Variants in OTOGL observed in about 807,000 individuals in gnomAD.
OTOGL encodes otogelin like.
OTOGL carries 285 observed loss-of-function variants against 318.5 expected under a neutral mutation model. The ratio of observed to expected loss-of-function variants is 0.89; its 90% CI spans 0.81 to 0.99. The LOEUF is 0.99. Ranked by LOEUF, OTOGL falls within the 50% of genes least tolerant of loss-of-function variation. The pLI is 0.00. For synonymous variants in OTOGL, 987 were observed against 936.5 expected (o/e 1.05, Z -0.99); for missense variants, 2,899 against 2,845.6 (o/e 1.02, Z -0.43).
chr12:80,307,360 C>G (rs1320927524), intron 29 of OTOGL, among the ~76,000 whole-genome samples: 1 of 151,736 alleles, frequency 6.6e-6, no homozygotes, highest in Non-Finnish European at 1.5e-5. Context: ...GGCAGAGGGG[C>G]TCCTCACTTC....
intron 57 of OTOGL, 151 bp from the exon 58 acceptor site, chr12:80,376,972 A>T: frequency 2.0e-6 from 1 of 488,094 alleles, no homozygotes; most frequent in South Asian, 5.6e-5. Context: ...GCACATAAAA[A>T]TGTAAGAGAG....
chr12:80,200,784 G>A (rs1187406874), intron 1 of OTOGL, among the ~76,000 whole-genome samples: 4 of 152,182 alleles, frequency 2.6e-5, no homozygotes, highest in Non-Finnish European at 5.9e-5. Flanking sequence ...ATGAGGAAAA[G>A]AAGATATTAT....
chr12:80,203,376 T>G (rs74108559), intron 1 of OTOGL, among the ~76,000 whole-genome samples: 4 of 152,086 alleles, frequency 2.6e-5, no homozygotes, highest in Admixed American at 2.6e-4. Flanking sequence ...CCCACACTTA[T>G]AATCCAGGAT....
Position 80,222,170 on chromosome 12 carries a change from C to G in OTOGL, c.414C>G (p.Tyr138Ter). Residue 138 changes from tyrosine to a stop codon, truncating the protein, a stop_gained, in exon 7 of 59, where the codon TAC becomes TAG. Coordinates refer to ENST00000547103, the MANE Select transcript of OTOGL (RefSeq NM_001378609.3). LOFTEE classifies it high-confidence loss of function. ...QYHFETFDGI[Y>*]YYFPGNCSYI... ...ATTTTGAAACATTCGATGGCATCTA[C>G]TATTACTTCCCAGGAAACTGTTCTT... is the stretch of plus-strand genomic sequence containing the variant. 6.3e-7 allele frequency: 1 copy of G among 1,597,724 alleles called. No individual in the cohort carries two copies. Among genetic ancestry groups the G allele is most frequent in the South Asian group, 1.1e-5 (1 of 91,046 alleles).
chr12:80,359,187 A>G (rs1890096786), intron 52 of OTOGL, among the ~76,000 whole-genome samples: 1 of 152,174 alleles, frequency 6.6e-6, no homozygotes, highest in Non-Finnish European at 1.5e-5. Context: ...ATTGAAAAAA[A>G]TTATCTTAAT....
At chr12:80,192,594 T>G (rs1305726522) in intron 1 of OTOGL, among the ~76,000 whole-genome samples, 1 of 152,248 alleles carries the variant, frequency 6.6e-6, no homozygotes, top group African/African-American at 2.4e-5. Flanking sequence ...TTCTCCAAGA[T>G]GCTGTGAAGC....
At chr12:80,131,168 A>T (rs1871215859) in intron 1 of OTOGL, 1 of 138,824 alleles carries the variant, frequency 7.2e-6, no homozygotes, top group Non-Finnish European at 1.6e-5. Flanking sequence ...TACCGCTGCC[A>T]TGACCTTGAC....
intron 4 of OTOGL, among the ~76,000 whole-genome samples, chr12:80,216,153 A>C (rs1197767026): frequency 6.6e-6 from 1 of 152,194 alleles, no homozygotes; most frequent in Non-Finnish European, 1.5e-5. Flanking sequence ...CATCTCTTAA[A>C]AAAAATGATA....
intron 1 of OTOGL, among the ~76,000 whole-genome samples, chr12:80,111,217 A>G (rs1261290148): frequency 6.6e-6 from 1 of 152,160 alleles, no homozygotes; most frequent in African/African-American, 2.4e-5. Context: ...GTTCACTCCA[A>G]TGATAGTTTC....
chr12:80,239,139 G>C (rs1381430045), intron 10 of OTOGL, among the ~76,000 whole-genome samples, 161 bp downstream of exon 10: 1 of 152,196 alleles, frequency 6.6e-6, no homozygotes, highest in African/African-American at 2.4e-5. Flanking sequence ...TTTAGAAATA[G>C]TGAATGTAGT....
At chr12:80,302,086 A>G (rs1885802228) in intron 27 of OTOGL, among the ~76,000 whole-genome samples, 1 of 152,124 alleles carries the variant, frequency 6.6e-6, no homozygotes, top group Non-Finnish European at 1.5e-5. Flanking sequence ...CTTTTCACTT[A>G]AAGGAAGTAC....
Position 80,357,237 on chromosome 12 carries a change from T to A in OTOGL, c.6019+323T>A, listed in dbSNP as rs533296991. Among the ~76,000 whole-genome samples, 5 of 152,224 alleles carry A rather than the reference T, an allele frequency of 3.3e-5. No homozygotes were observed. The East Asian group carries it at 9.7e-4, about 29-fold the overall frequency. ...TTCCTTGAAGAACCAACTTGAATAA[T>A]GGGCTCTGCTAAGACTTCATAGGAC... On this transcript the variant is annotated intron_variant, in intron 49 of 58. Transcript: ENST00000547103.
rs1259522619 is a variant in OTOGL, at chr12:80,258,010, T to G, written c.1889+8T>G. On this transcript the variant is annotated splice_region_variant and intron_variant, in intron 18 of 58. Coordinates refer to ENST00000547103, the MANE Select transcript of OTOGL (RefSeq NM_001378609.3). ...CATAAGGGATGATTTTCTGTAAGTA[T>G]GATTTCTGCATAGTTAACATACTTA... 5 of 1,572,212 alleles carry G rather than the reference T, an allele frequency of 3.2e-6. No homozygotes were observed. Among genetic ancestry groups the G allele is most frequent in the Non-Finnish European group, 4.3e-6 (5 of 1,169,986 alleles).
At chr12:80,183,190 T>G (rs138574077) in intron 1 of OTOGL, among the ~76,000 whole-genome samples, 12 of 152,274 alleles carry the variant, frequency 7.9e-5, no homozygotes, top group African/African-American at 2.9e-4. Context: ...GGAGACCAAC[T>G]AGGTAATTAC....
rs201404227 is a variant in OTOGL at position 80,336,972 on chromosome 12, C to T, written c.4828C>T (p.His1610Tyr). The T allele has an allele frequency of 5.4e-5, 86 of 1,592,680 alleles. No individual in the cohort carries two copies. The highest frequency in any genetic ancestry group is 6.5e-5 in the Non-Finnish European group (76 of 1,168,240). ...FKKLNVTTPI[H>Y]KIIVNRLARK... ...GAAGTTAAATGTGACAACACCCATA[C>T]ATAAAATAATTGTCAATCGGTTGGC... The change falls in exon 42 of 59, where the codon CAT (histidine) becomes TAT (tyrosine). Residue 1610 changes from histidine to tyrosine, a missense_variant. This residue lies in a region of OTOGL where 2,607 missense variants were observed against 2,524.9 expected (regional missense o/e 1.03). Coordinates refer to ENST00000547103, the MANE Select transcript of OTOGL (RefSeq NM_001378609.3).
rs984270710 is a variant in OTOGL at position 80,266,469 on chromosome 12, G to A, written c.2243G>A (p.Gly748Asp). Residue 748 changes from glycine to aspartate, a missense_variant, in exon 21 of 59, where the codon GGC (glycine) becomes GAC (aspartate). Physicochemically the swap from Gly to Asp is moderately conservative, Grantham distance 94 (BLOSUM62 -1). Coordinates refer to ENST00000547103, the MANE Select transcript of OTOGL (RefSeq NM_001378609.3). Reference protein sequence around the residue: ...ISFCAVVCQKGMLYHHCSSFC... With the variant: ...ISFCAVVCQKDMLYHHCSSFC... ...TCCTTAGCTGTGGTGTGCCAGAAGG[G>A]CATGCTGTACCATCACTGTTCCTCG... 6.8e-6 allele frequency: 11 copies of A among 1,613,294 alleles called. No individual in the cohort carries two copies. In the East Asian group the frequency reaches 2.5e-4, roughly 36 times the overall value.
chr12:80,337,344 T>A (rs1387020222), intron 42 of OTOGL, among the ~76,000 whole-genome samples: 1 of 151,834 alleles, frequency 6.6e-6, no homozygotes, highest in Non-Finnish European at 1.5e-5. Context: ...AGGAGAGGGA[T>A]GATGATGTGG....
intron 19 of OTOGL, among the ~76,000 whole-genome samples, chr12:80,262,894 ATT>A (rs1165582093): frequency 6.6e-6 from 1 of 152,084 alleles, no homozygotes; most frequent in Non-Finnish European, 1.5e-5. Flanking sequence ...CTAGTTCACT[ATT>A]TGGATGTAGT....
intron 6 of OTOGL, among the ~76,000 whole-genome samples, chr12:80,221,777 T>TA (rs1212789491): frequency 6.6e-6 from 1 of 152,222 alleles, no homozygotes; most frequent in African/African-American, 2.4e-5. Flanking sequence ...TTACTTGCTT[T>TA]ATTACTATCA....
Sources: gnomAD v4.1 joint callset for allele counts (sites outside exome capture counted in the v4.1 genomes callset) on GRCh38, gnomAD v4.1.1 for gene constraint, gnomAD v4.1.1 regional missense constraint, MANE v1.5 for transcripts, NCBI Gene and HGNC (gene_info 2026-07-23, HGNC 2026-07-21) for gene names.